Variants in DYNC2I1 observed in about 807,000 individuals in gnomAD.
DYNC2I1 encodes the protein dynein 2 intermediate chain 1.
In DYNC2I1, 89 loss-of-function variants were observed where a neutral mutation model predicts 133.4. That is an observed-to-expected ratio of 0.67 (90% CI 0.56 to 0.80). The LOEUF is 0.80. Ranked by LOEUF, DYNC2I1 falls within the 30% of genes least tolerant of loss-of-function variation. The pLI, the probability that DYNC2I1 is intolerant of heterozygous loss-of-function variation, is 0.00. For missense variants in DYNC2I1, 1,291 were observed against 1,314.5 expected (o/e 0.98, Z 0.28); for synonymous variants, 504 against 484.3 (o/e 1.04, Z -0.54).
At chr7:158,950,482 A>G, downstream of DYNC2I1, among the ~76,000 whole-genome samples, 1 of 92,414 alleles carries the variant, frequency 1.1e-5, no homozygotes, top group Non-Finnish European at 2.2e-5. Flanking sequence ...GGTGTTCTAT[A>G]TGATTCCAGG....
rs572971400 is a variant in DYNC2I1, at chr7:158,863,663, G to T, written c.16-6192G>T. Among the ~76,000 whole-genome samples, 27 of 63,084 alleles carry T rather than the reference G, an allele frequency of 4.3e-4. 1 individual carries two copies. Among genetic ancestry groups the T allele is most frequent in the African/African-American group, 1.9e-3 (25 of 13,136 alleles). The allele number at this position is 63,084 out of a possible 152,430, so 41.4% of individuals were successfully genotyped here. ...TGAGCGGGACGTCCTTAGCTGGGGG[G>T]GGGTGTGGGGAGAGCGGGACGTCCT... On this transcript the variant is annotated intron_variant, in intron 1 of 24. Coordinates refer to ENST00000407559, the MANE Select transcript of DYNC2I1 (RefSeq NM_018051.5).
At chr7:158,869,682 A>C (rs538221852) in intron 1 of DYNC2I1, among the ~76,000 whole-genome samples, 173 bp from the exon 2 acceptor site, 2 of 152,350 alleles carry the variant, frequency 1.3e-5, no homozygotes, top group African/African-American at 4.8e-5. Context: ...ACTAGTGAAT[A>C]ATTTTTAAAA....
intron 21 of DYNC2I1, among the ~76,000 whole-genome samples, chr7:158,930,923 C>T (rs1226494744): frequency 6.6e-6 from 1 of 152,136 alleles, no homozygotes; most frequent in African/African-American, 2.4e-5. Flanking sequence ...CCACCTCAGC[C>T]TCCCAAAGTG....
chr7:158,902,276 G>T (rs935946279), intron 9 of DYNC2I1, 100 bp from the exon 10 acceptor site: 9 of 956,322 alleles, frequency 9.4e-6, no homozygotes, highest in Non-Finnish European at 1.4e-5. Context: ...TAAGGACATT[G>T]TCTGTTTTAA....
At chr7:158,867,947 C>T (rs1275602521) in intron 1 of DYNC2I1, among the ~76,000 whole-genome samples, 2 of 152,040 alleles carry the variant, frequency 1.3e-5, no homozygotes, top group Admixed American at 1.3e-4. Context: ...GGCAACATGG[C>T]GGAACTCCAT....
intron 1 of DYNC2I1, among the ~76,000 whole-genome samples, chr7:158,859,178 G>A (rs1385311901): frequency 6.6e-6 from 1 of 150,462 alleles, no homozygotes; most frequent in Non-Finnish European, 1.5e-5. Flanking sequence ...TACCTTTTTA[G>A]ACAAGAGTAT....
At chr7:158,922,191 G>A (rs575420365) in intron 15 of DYNC2I1, among the ~76,000 whole-genome samples, 186 bp from the exon 16 acceptor site, 24 of 152,328 alleles carry the variant, frequency 1.6e-4, no homozygotes, top group African/African-American at 5.8e-4. Flanking sequence ...GGTCAGCTTG[G>A]ACAGAGTGTT....
chr7:158,916,786 A>T (rs563182270), intron 14 of DYNC2I1, among the ~76,000 whole-genome samples: 20 of 44,066 alleles, frequency 4.5e-4, no homozygotes, highest in Admixed American at 2.7e-3. Context: ...TGAAACGTCG[A>T]CACGCTGGTT....
At chr7:158,900,089 A>G (rs1222504358) in intron 8 of DYNC2I1, among the ~76,000 whole-genome samples, 1 of 148,660 alleles carries the variant, frequency 6.7e-6, no homozygotes, top group Non-Finnish European at 1.5e-5. Flanking sequence ...TCTTGCTTGC[A>G]TGGTATCTGA....
intron 15 of DYNC2I1, among the ~76,000 whole-genome samples, chr7:158,920,982 A>G (rs1039328641): frequency 1.3e-5 from 2 of 152,166 alleles, no homozygotes; most frequent in African/African-American, 4.8e-5. Context: ...TCATCTTGAC[A>G]AATGTTCTGT....
At chr7:158,908,754 G>C (rs1847090754) in intron 11 of DYNC2I1, among the ~76,000 whole-genome samples, 1 of 152,314 alleles carries the variant, frequency 6.6e-6, no homozygotes, top group East Asian at 1.9e-4. Context: ...GAGGCTGGGC[G>C]GTCGGGAGCT....
intron 6 of DYNC2I1, among the ~76,000 whole-genome samples, chr7:158,886,358 T>C (rs942702207): frequency 6.6e-6 from 1 of 152,098 alleles, no homozygotes; most frequent in Non-Finnish European, 1.5e-5. Context: ...GGTCTCGAAC[T>C]CCTGACCTCA....
intron 6 of DYNC2I1, among the ~76,000 whole-genome samples, chr7:158,886,080 A>G (rs1237885757): frequency 6.7e-6 from 1 of 149,994 alleles, no homozygotes; most frequent in Non-Finnish European, 1.5e-5. Flanking sequence ...TATATTTAAT[A>G]TAAAATAGTA....
intron 3 of DYNC2I1, among the ~76,000 whole-genome samples, chr7:158,872,973 A>C (rs1236701202): frequency 6.6e-6 from 1 of 152,054 alleles, no homozygotes; most frequent in East Asian, 1.9e-4. Flanking sequence ...CCTGGGTGAC[A>C]GAGCGAGACT....
chr7:158,904,785 C>G (rs1037973253), intron 10 of DYNC2I1: 2 of 172,048 alleles, frequency 1.2e-5, no homozygotes, highest in Non-Finnish European at 2.5e-5. Context: ...AAGCAAGTAG[C>G]GGACAGTGCT....
chr7:158,885,850 C>T (rs1844546069), intron 6 of DYNC2I1, among the ~76,000 whole-genome samples: 1 of 151,902 alleles, frequency 6.6e-6, no homozygotes, highest in South Asian at 2.1e-4. Flanking sequence ...TTTTTTTGCT[C>T]AATTCTGTAT....
At chr7:158,844,345 T>C in the DYNC2I1 span, among the ~76,000 whole-genome samples, 1 of 152,110 alleles carries the variant, frequency 6.6e-6, no homozygotes, top group South Asian at 2.1e-4. Flanking sequence ...GAGGGCACCT[T>C]TGGGAAAAAC....
intron 11 of DYNC2I1, among the ~76,000 whole-genome samples, chr7:158,910,181 A>G (rs559047144): frequency 6.6e-6 from 1 of 152,270 alleles, no homozygotes; most frequent in African/African-American, 2.4e-5. Context: ...GGTGAAACTT[A>G]GGAAAGGAAA....
At chr7:158,924,288 C>T (rs965615609) in intron 17 of DYNC2I1, among the ~76,000 whole-genome samples, 24 of 152,356 alleles carry the variant, frequency 1.6e-4, no homozygotes, top group African/African-American at 5.1e-4. Context: ...GAAGATGCCG[C>T]GTTTATCCAA....
Sources: allele counts gnomAD v4.1 joint callset (sites outside exome capture counted in the v4.1 genomes callset), GRCh38; gene constraint gnomAD v4.1.1; transcripts MANE v1.5; gene names NCBI Gene and HGNC (gene_info 2026-07-23, HGNC 2026-07-21).